POLQ: variants seen among roughly 807,000 people sequenced by gnomAD.
The protein encoded by POLQ is epididymis secretory sperm binding protein.
A neutral mutation model predicts 259.2 loss-of-function variants in POLQ; 233 were observed. That is an observed-to-expected ratio of 0.90 (90% CI 0.81 to 1.00). The LOEUF (loss-of-function observed/expected upper bound fraction) is 1.00, where lower values mean the gene tolerates loss of function less well. Ranked by LOEUF, POLQ falls within the 50% of genes least tolerant of loss-of-function variation. POLQ has a pLI of 0.00. For synonymous variants in POLQ, 1,025 were observed against 1,048.8 expected, an observed-to-expected ratio of 0.98 and a Z score of 0.44; for missense variants, 2,871 against 3,051.6, an observed-to-expected ratio of 0.94 and a Z score of 1.39.
chr3:121,467,679 G>A, intron 23 of POLQ, 39 bp from the exon 24 acceptor site: 1 of 1,597,098 alleles, frequency 6.3e-7, no homozygotes, highest in Non-Finnish European at 8.5e-7. Flanking sequence ...ACATGAAGCA[G>A]TCTCAAATAT....
chr3:121,450,537 G>A (rs141598142), intron 25 of POLQ, among the ~76,000 whole-genome samples: 1,088 of 74,426 alleles, frequency 0.015, 13 homozygotes, highest in African/African-American at 0.053. Flanking sequence ...ACCCCACAAC[G>A]GGCCCCAGTG....
intron 25 of POLQ, among the ~76,000 whole-genome samples, chr3:121,459,202 A>T (rs2047768987): frequency 6.6e-6 from 1 of 152,158 alleles, no homozygotes; most frequent in East Asian, 1.9e-4. Flanking sequence ...CAATAACTTC[A>T]ACGGCTAAAA....
chr3:121,494,749 T>G, intron 14 of POLQ: 1 of 1,540,986 alleles, frequency 6.5e-7, no homozygotes, highest in Non-Finnish European at 8.9e-7. Flanking sequence ...ACAAAGGCAC[T>G]TTGGCTAAGC....
intron 12 of POLQ, among the ~76,000 whole-genome samples, chr3:121,503,499 A>G (rs1365249655): frequency 6.6e-6 from 1 of 152,246 alleles, no homozygotes; most frequent in Admixed American, 6.5e-5. Flanking sequence ...GACTTTCAAC[A>G]ATGAATAGAA....
At chr3:121,475,197 T>C (rs1474758535) in intron 20 of POLQ, among the ~76,000 whole-genome samples, 1 of 152,100 alleles carries the variant, frequency 6.6e-6, no homozygotes, top group Non-Finnish European at 1.5e-5. Flanking sequence ...GACTAGCAAC[T>C]CCCCATTTCC....
In POLQ at chr3:121,495,742, G is replaced by A. The variant is rs532866155; in HGVS notation, c.2278+1066C>T. ...CGGGCACCTGTAGTCCCAGCTACTC[G>A]GGAGGCTGAGGCAGCAGAATGGCAT... is the stretch of plus-strand genomic sequence containing the variant. On this transcript the variant is annotated intron_variant, in intron 14 of 29. Transcript: ENST00000264233. 2.6e-3 allele frequency among the ~76,000 whole-genome samples: 400 copies of A among 151,062 alleles called. 1 individual carries two copies. The highest frequency in any genetic ancestry group is 8.8e-3 in the African/African-American group (361 of 41,060).
At chr3:121,540,641 A>G (rs958488967) in intron 3 of POLQ, among the ~76,000 whole-genome samples, 1 of 151,896 alleles carries the variant, frequency 6.6e-6, no homozygotes, top group Non-Finnish European at 1.5e-5. Flanking sequence ...ATATTCCTAA[A>G]TAGTCCTCAA....
At chr3:121,498,439 T>C in intron 13 of POLQ, 38 bp downstream of exon 13, 1 of 1,476,858 alleles carries the variant, frequency 6.8e-7, no homozygotes, top group South Asian at 1.2e-5. Flanking sequence ...CAAGACACTG[T>C]GTTAAATACC....
intron 9 of POLQ, among the ~76,000 whole-genome samples, chr3:121,513,008 T>C (rs2048266039): frequency 6.6e-6 from 1 of 152,156 alleles, no homozygotes; most frequent in Non-Finnish European, 1.5e-5. Context: ...TTTGAACAAA[T>C]ACAAACTATT....
At chr3:121,478,879 A>G (rs1011252601) in intron 19 of POLQ, among the ~76,000 whole-genome samples, 3 of 152,192 alleles carry the variant, frequency 2.0e-5, no homozygotes, top group African/African-American at 7.2e-5. Context: ...CAAAGTTAAA[A>G]TTGATTGAAT....
chr3:121,493,876 T>C (rs2048092276), intron 14 of POLQ, among the ~76,000 whole-genome samples, 155 bp from the exon 15 acceptor site: 1 of 152,200 alleles, frequency 6.6e-6, no homozygotes, highest in Non-Finnish European at 1.5e-5. Context: ...AGCAGATATA[T>C]ATTAAGAGCC....
chr3:121,470,770 A>G (rs73193618), intron 22 of POLQ, among the ~76,000 whole-genome samples: 5,507 of 152,176 alleles, frequency 0.036, 152 homozygotes, highest in Middle Eastern at 0.082. Context: ...GATACCACAC[A>G]TGGCTAATTT....
chr3:121,462,576 G>A (rs2047801000), intron 24 of POLQ, among the ~76,000 whole-genome samples: 2 of 152,130 alleles, frequency 1.3e-5, no homozygotes, highest in Non-Finnish European at 2.9e-5. Flanking sequence ...TTGTGCAGGG[G>A]GAAAGTGCAG....
intron 25 of POLQ, among the ~76,000 whole-genome samples, chr3:121,455,112 C>A (rs1479077292): frequency 6.6e-6 from 1 of 151,390 alleles, no homozygotes; most frequent in Non-Finnish European, 1.5e-5. Flanking sequence ...GGAAACTGAA[C>A]AACCTGCTCC....
chr3:121,512,020 A>G lies in POLQ; in HGVS notation c.1478T>C (p.Ile493Thr). 6.2e-7 allele frequency: 1 copy of G among 1,613,122 alleles called. No homozygotes were observed. Among genetic ancestry groups the G allele is most frequent in the Non-Finnish European group, 8.5e-7 (1 of 1,179,410 alleles). ...RKGVDTVGESILICKNSEKSK... is the reference protein window; with the variant it reads ...RKGVDTVGESTLICKNSEKSK... The stretch of plus-strand genomic sequence containing the variant: ...TTTCTCAGAGTTCTTACAAATTAAG[A>G]TACTCTCGCCTATAACCAAAAGATA... Residue 493 changes from isoleucine to threonine, a missense_variant, in exon 10 of 30, where the codon ATC becomes ACC. Physicochemically the swap from Ile to Thr is moderately conservative, Grantham distance 89. This residue lies in a region of POLQ where 783 missense variants were observed against 906.2 expected (regional missense o/e 0.86). Coordinates refer to ENST00000264233, the MANE Select transcript of POLQ (RefSeq NM_199420.4).
chr3:121,473,752 A>G (rs1247425583), intron 20 of POLQ, among the ~76,000 whole-genome samples: 1 of 136,054 alleles, frequency 7.4e-6, no homozygotes, highest in Non-Finnish European at 1.6e-5. Context: ...TTTTTGAGAC[A>G]GGATCTCACT....
chr3:121,481,790 G>A lies in POLQ; in HGVS notation c.5993C>T (p.Pro1998Leu). ...DPKVACWLLD[P>L]DSQEPTLHSI... ...ATGAAGAGTCGGCTCCTGAGAATCTGGATCTAGTAACCAGCATGCCACCTG... is the reference window on the plus strand; with the variant it reads ...ATGAAGAGTCGGCTCCTGAGAATCTAGATCTAGTAACCAGCATGCCACCTG... The change falls in exon 19 of 30, where the codon CCA becomes CTA. Residue 1998 changes from proline (P) to leucine (L), a missense_variant. This residue lies in a region of POLQ where 2,080 missense variants were observed against 2,126.0 expected (regional missense o/e 0.98). Transcript: ENST00000264233. 6.2e-7 allele frequency: 1 copy of A among 1,611,724 alleles called. No individual in the cohort carries two copies. The highest frequency in any genetic ancestry group is 1.1e-5 in the South Asian group (1 of 90,824).
chr3:121,459,501 C>T (rs1036366335), intron 25 of POLQ, among the ~76,000 whole-genome samples: 2 of 151,528 alleles, frequency 1.3e-5, no homozygotes, highest in Non-Finnish European at 2.9e-5. Context: ...CCTGCCTCAG[C>T]CTCCCAAGTA....
intron 28 of POLQ, among the ~76,000 whole-genome samples, chr3:121,435,624 G>A (rs368244504): frequency 3.3e-5 from 5 of 152,248 alleles, no homozygotes; most frequent in African/African-American, 9.6e-5. Context: ...AAACTCATCC[G>A]TCTCCCACAA....
Sources: gnomAD v4.1 joint callset for allele counts (sites outside exome capture counted in the v4.1 genomes callset) on GRCh38, gnomAD v4.1.1 for gene constraint, gnomAD v4.1.1 regional missense constraint, MANE v1.5 for transcripts, NCBI Gene and HGNC (gene_info 2026-07-23, HGNC 2026-07-21) for gene names.